Variants in CLN6 observed in about 807,000 individuals in gnomAD.
The protein encoded by CLN6 is CLN6 transmembrane ER protein.
In CLN6, 22 loss-of-function variants were observed where a neutral mutation model predicts 33.3. The ratio of observed to expected loss-of-function variants is 0.66; its 90% CI spans 0.47 to 0.94. The LOEUF (loss-of-function observed/expected upper bound fraction) is 0.94. CLN6 is among the 40% of genes least tolerant of loss of function. The pLI is 0.00. For synonymous variants in CLN6, 201 were observed against 174.6 expected, an observed-to-expected ratio of 1.15 and a Z score of -1.19; for missense variants, 387 against 417.1, an observed-to-expected ratio of 0.93 and a Z score of 0.63.
intron 1 of CLN6, among the ~76,000 whole-genome samples, chr15:68,245,325 G>A (rs1339572943): frequency 6.6e-6 from 1 of 152,044 alleles, no homozygotes; most frequent in East Asian, 1.9e-4. Context: ...CATTTTGGGA[G>A]GCTGAGGCTG....
chr15:68,213,402 C>A (rs1195633094), intron 3 of CLN6: 2 of 151,452 alleles, frequency 1.3e-5, no homozygotes, highest in Non-Finnish European at 2.9e-5. Context: ...GCATGCCCGG[C>A]TACTTTTTTT....
At chr15:68,229,388 G>A in intron 1 of CLN6, 114 bp downstream of exon 1, 2 of 807,866 alleles carry the variant, frequency 2.5e-6, no homozygotes, top group Non-Finnish European at 3.5e-6. Flanking sequence ...CTCCGCCCCG[G>A]CCAGCGCCGC....
rs1256645641 is a variant in CLN6 at position 68,251,893 on chromosome 15, G to A, written c.179+4797C>T. The stretch of plus-strand genomic sequence containing the variant: ...CTGCAAAAATGCAAAACTGGAAGAA[G>A]GTATTTGTGACATGTAGAACTGACA... On this transcript the variant is annotated intron_variant, in intron 1 of 6. Transcript: ENST00000538696. Among the ~76,000 whole-genome samples the A allele has an allele frequency of 1.2e-4, 18 of 151,644 alleles. No homozygotes were observed. The East Asian group carries it at 2.9e-3, about 24-fold the overall frequency.
chr15:68,237,163 C>CAAAAAAA (rs71145147), intron 1 of CLN6, among the ~76,000 whole-genome samples: 1 of 73,948 alleles, frequency 1.4e-5, no homozygotes, highest in Admixed American at 1.7e-4. Context: ...GACTCCGTCT[C>CAAAAAAA]AAAAAAAAAA....
At chr15:68,232,999 C>T (rs528787144), upstream of CLN6, among the ~76,000 whole-genome samples, 2 of 152,262 alleles carry the variant, frequency 1.3e-5, no homozygotes, top group South Asian at 2.1e-4. This position sits in a 1 kb window ranked among gnomAD's most constrained non-coding sequence, Gnocchi z 4.7. Flanking sequence ...GCCGAGATCA[C>T]GCCACTGCAC....
intron 2 of CLN6, chr15:68,218,253 A>G (rs1295283808): frequency 2.7e-6 from 1 of 364,874 alleles, no homozygotes; most frequent in South Asian, 2.3e-5. Context: ...ACCTGCTTCC[A>G]GACACAGGCC....
At chr15:68,238,138 G>C (rs549271814) in intron 1 of CLN6, among the ~76,000 whole-genome samples, 5 of 151,004 alleles carry the variant, frequency 3.3e-5, no homozygotes, top group Non-Finnish European at 5.9e-5. Flanking sequence ...AAAAGAAGTG[G>C]GTCACGCCTG....
Position 68,208,246 on chromosome 15 carries a change from A to T in CLN6, c.830T>A (p.Val277Asp). 4 of 1,613,994 alleles carry T rather than the reference A, an allele frequency of 2.5e-6. No homozygotes were observed. Among genetic ancestry groups the T allele is most frequent in the Non-Finnish European group, 3.4e-6 (4 of 1,180,010 alleles). ...ALTLLLVALW[V>D]AWLWNDPVLR... Reference sequence around the variant, plus strand: ...AACAGGGTCATTCCACAGCCAGGCGACCCAGAGCGCCACAAGCAAGAGGGT... The same window carrying T: ...AACAGGGTCATTCCACAGCCAGGCGTCCCAGAGCGCCACAAGCAAGAGGGT... The change falls in exon 7 of 7, where the codon GTC (valine) becomes GAC (aspartate). Residue 277 changes from valine (V) to aspartate (D), a missense_variant. Val to Asp is a radical substitution (Grantham distance 152). Transcript: ENST00000249806. The surrounding 1 kb of genome is among the most constrained non-coding windows in gnomAD (Gnocchi z 5.8).
At position 68,208,368 on chromosome 15, in the gene CLN6, G is replaced by A; in HGVS notation, c.708C>T (p.Phe236=). The change falls in exon 7 of 7, where the codon TTC becomes TTT. Residue 236 remains phenylalanine, a synonymous_variant. Transcript: ENST00000249806. This position sits in a 1 kb window ranked among gnomAD's most constrained non-coding sequence, Gnocchi z 5.8. ...TEGQIFILFI[F]TFFAMLALVL... ...CGAGGGCCAGCATGGCGAAGAAGGTGAAGATGAAGAGGATGAAGATCTGGC... is the reference window on the plus strand; with the variant it reads ...CGAGGGCCAGCATGGCGAAGAAGGTAAAGATGAAGAGGATGAAGATCTGGC... The A allele has an allele frequency of 6.2e-7, 1 of 1,613,826 alleles. No homozygotes were observed. Among genetic ancestry groups the A allele is most frequent in the Non-Finnish European group, 8.5e-7 (1 of 1,180,044 alleles).
At chr15:68,240,962 C>T (rs576316904) in intron 1 of CLN6, among the ~76,000 whole-genome samples, 19 of 143,422 alleles carry the variant, frequency 1.3e-4, no homozygotes, top group Non-Finnish European at 2.4e-4. Context: ...CCAGCCTGGG[C>T]GACAGAAGGA....
upstream of CLN6, among the ~76,000 whole-genome samples, chr15:68,230,911 A>G (rs1275964145): frequency 1.3e-5 from 2 of 152,124 alleles, no homozygotes; most frequent in Admixed American, 6.5e-5. This position sits in a 1 kb window ranked among gnomAD's most constrained non-coding sequence, Gnocchi z 4.0. Flanking sequence ...CGCACACGAC[A>G]TGTGCAGGTC....
At chr15:68,223,293 G>A (rs1169282382) in intron 1 of CLN6, among the ~76,000 whole-genome samples, 3 of 152,312 alleles carry the variant, frequency 2.0e-5, no homozygotes, top group Middle Eastern at 6.8e-3. Flanking sequence ...GCATGGAGCT[G>A]AGATGCCTGG....
chr15:68,248,973 A>G (rs1182161205), intron 1 of CLN6, among the ~76,000 whole-genome samples: 1 of 152,186 alleles, frequency 6.6e-6, no homozygotes, highest in Non-Finnish European at 1.5e-5. Flanking sequence ...ACAACAACAA[A>G]AAACAACAAC....
At chr15:68,218,315 A>G (rs952704073) in intron 2 of CLN6, 1 of 484,030 alleles carries the variant, frequency 2.1e-6, no homozygotes, top group Non-Finnish European at 3.9e-6. Context: ...CAGTTCCCCC[A>G]TGAGAGTTGG....
In CLN6 at chr15:68,229,548, T is replaced by C. The variant is rs2141156244; in HGVS notation, c.37A>G (p.Thr13Ala). Residue 13 changes from threonine to alanine, a missense_variant, in exon 1 of 7, where the codon ACG becomes GCG. Transcript: ENST00000249806. Reference protein sequence around the residue: ...ATRRRQHLGATGGPGAQLGAS... With the variant: ...ATRRRQHLGAAGGPGAQLGAS... Reference sequence around the variant, plus strand: ...CCCAGCTGCGCGCCTGGGCCGCCCGTCGCTCCCAGGTGCTGCCGCCTCCGC... The same window carrying C: ...CCCAGCTGCGCGCCTGGGCCGCCCGCCGCTCCCAGGTGCTGCCGCCTCCGC... 1 of 1,468,608 alleles carries C rather than the reference T, an allele frequency of 6.8e-7. No homozygotes were observed. 91.0% of individuals were successfully genotyped at this position (1,468,608 alleles called of 1,614,324 possible).
chr15:68,217,647 C>T (rs1034510427), intron 2 of CLN6, among the ~76,000 whole-genome samples: 3 of 152,112 alleles, frequency 2.0e-5, no homozygotes, highest in Admixed American at 2.0e-4. Context: ...AGTCACTTCC[C>T]GTTTATCTTC....
chr15:68,233,643 C>T (rs1387093131), upstream of CLN6, among the ~76,000 whole-genome samples: 1 of 152,242 alleles, frequency 6.6e-6, no homozygotes, highest in African/African-American at 2.4e-5. The surrounding 1 kb of genome is among the most constrained non-coding windows in gnomAD (Gnocchi z 4.3). Context: ...TAGACTGCAG[C>T]TACCATCTGA....
At chr15:68,235,591 T>A (rs7173693) in intron 1 of CLN6, among the ~76,000 whole-genome samples, 1,221 of 5,654 alleles carry the variant, frequency 0.22, 43 homozygotes, top group African/African-American at 0.25. Flanking sequence ...AAAATAAATA[T>A]ATATATATAT....
chr15:68,226,444 T>C (rs1299683159), intron 1 of CLN6, among the ~76,000 whole-genome samples: 1 of 152,124 alleles, frequency 6.6e-6, no homozygotes, highest in South Asian at 2.1e-4. Flanking sequence ...ATTTGTAAAA[T>C]GGAGATAATA....
Sources: gnomAD v4.1 joint callset for allele counts (sites outside exome capture counted in the v4.1 genomes callset) on GRCh38, gnomAD v4.1.1 for gene constraint, Gnocchi (gnomAD v3.1) non-coding constraint, MANE v1.5 for transcripts, NCBI Gene and HGNC (gene_info 2026-07-23, HGNC 2026-07-21) for gene names.